Variants in PAM observed in about 807,000 individuals in gnomAD.
PAM encodes peptidyl-glycine alpha-amidating monooxygenase.
A neutral mutation model predicts 122.1 loss-of-function variants in PAM; 72 were observed. The observed-to-expected ratio is 0.59, with a 90% CI of 0.49 to 0.72. The LOEUF (loss-of-function observed/expected upper bound fraction) is 0.72, where lower values mean the gene tolerates loss of function less well. Ranked by LOEUF, PAM falls within the 30% of genes least tolerant of loss-of-function variation. PAM has a pLI of 0.00. For missense variants in PAM, 1,106 were observed against 1,183.7 expected (o/e 0.93, Z 0.96); for synonymous variants, 389 against 404.4 (o/e 0.96, Z 0.46).
At chr5:102,929,899 G>A (rs1172061343) in intron 7 of PAM, among the ~76,000 whole-genome samples, 1 of 150,636 alleles carries the variant, frequency 6.6e-6, no homozygotes, top group Non-Finnish European at 1.5e-5. Flanking sequence ...CTCATCAGCT[G>A]TTATTAGTGT....
intron 7 of PAM, among the ~76,000 whole-genome samples, chr5:102,941,520 C>T (rs1322073693): frequency 6.6e-6 from 1 of 152,120 alleles, no homozygotes; most frequent in Admixed American, 6.5e-5. Flanking sequence ...TATTAACAGT[C>T]CCCCAATTTC....
chr5:102,906,863 G>C (rs1262670345), intron 4 of PAM, among the ~76,000 whole-genome samples: 1 of 151,716 alleles, frequency 6.6e-6, no homozygotes. Flanking sequence ...GATTCTGTAG[G>C]AAATTAATAG....
chr5:102,907,605 C>A (rs976834518), intron 4 of PAM, among the ~76,000 whole-genome samples: 1 of 150,254 alleles, frequency 6.7e-6, no homozygotes, highest in Non-Finnish European at 1.5e-5. Context: ...AAAAGTGTTC[C>A]TATTTCTCCA....
At chr5:102,771,880 TAA>T (rs1755887321) in intron 1 of PAM, among the ~76,000 whole-genome samples, 1 of 152,148 alleles carries the variant, frequency 6.6e-6, no homozygotes, top group East Asian at 1.9e-4. Flanking sequence ...TGGCTGGGTT[TAA>T]AAGAAGAAAT....
chr5:102,846,213 C>A (rs1198581309), intron 1 of PAM, among the ~76,000 whole-genome samples: 1 of 152,152 alleles, frequency 6.6e-6, no homozygotes, highest in Admixed American at 6.5e-5. Flanking sequence ...CCAGTTTGCC[C>A]CCAACTTCCA....
intron 12 of PAM, among the ~76,000 whole-genome samples, chr5:102,956,717 T>C (rs1375918191): frequency 6.6e-6 from 1 of 152,046 alleles, no homozygotes; most frequent in South Asian, 2.1e-4. Flanking sequence ...TGTTTTTTGT[T>C]ACTTACTGCT....
At chr5:102,841,561 T>C (rs1778641667) in intron 1 of PAM, among the ~76,000 whole-genome samples, 1 of 152,182 alleles carries the variant, frequency 6.6e-6, no homozygotes, top group African/African-American at 2.4e-5. Context: ...AGAGAGGCAT[T>C]AATTTTAATG....
At chr5:102,885,460 T>A (rs1380509758) in intron 3 of PAM, among the ~76,000 whole-genome samples, 1 of 152,030 alleles carries the variant, frequency 6.6e-6, no homozygotes, top group South Asian at 2.1e-4. Flanking sequence ...TTCATCTATT[T>A]GACTCAGACT....
intron 23 of PAM, among the ~76,000 whole-genome samples, chr5:103,021,383 C>A (rs1465138392): frequency 2.0e-5 from 3 of 152,190 alleles, no homozygotes; most frequent in Non-Finnish European, 2.9e-5. Context: ...CAACTCATTT[C>A]TGTTTAAATA....
chr5:102,814,938 G>T (rs1318071572), intron 1 of PAM, among the ~76,000 whole-genome samples: 1 of 151,646 alleles, frequency 6.6e-6, no homozygotes, highest in Non-Finnish European at 1.5e-5. Context: ...ATCCATGTGT[G>T]CAGCACACAT....
At chr5:102,889,570 T>C (rs1794153498) in intron 3 of PAM, among the ~76,000 whole-genome samples, 1 of 151,600 alleles carries the variant, frequency 6.6e-6, no homozygotes, top group Admixed American at 6.6e-5. Flanking sequence ...GTGTCTTCTA[T>C]TTTTTTTAAT....
rs554740012 is a variant in PAM at position 102,789,946 on chromosome 5, C to A, written c.-374+34598C>A. ...ATATTCATAAATATTCAGTAGTTAT[C>A]ATTAGACTAAATTTGGGAAAAATAC... On this transcript the variant is annotated intron_variant, in intron 1 of 25. Transcript: ENST00000438793. Among the ~76,000 whole-genome samples, 4 of 152,004 alleles carry A rather than the reference C, an allele frequency of 2.6e-5. No individual in the cohort carries two copies. In the East Asian group the frequency reaches 7.7e-4, roughly 29 times the overall value.
intron 4 of PAM, among the ~76,000 whole-genome samples, chr5:102,911,097 T>TCTA: frequency 6.6e-6 from 1 of 152,152 alleles, no homozygotes. Context: ...TTTTAAGGCA[T>TCTA]CTACTGTTTG....
At chr5:102,861,240 G>A (rs1028405511) in intron 1 of PAM, among the ~76,000 whole-genome samples, 2 of 152,152 alleles carry the variant, frequency 1.3e-5, no homozygotes, top group African/African-American at 2.4e-5. Context: ...TCGCAGCTAA[G>A]CTTTTCCTGA....
At chr5:102,803,168 AGG>A (rs1287579430) in intron 1 of PAM, among the ~76,000 whole-genome samples, 540 of 16,994 alleles carry the variant, frequency 0.032, 21 homozygotes, top group East Asian at 0.15. Context: ...GAAGGAAGGA[AGG>A]AAGGAAGGAA....
intron 1 of PAM, among the ~76,000 whole-genome samples, chr5:102,857,677 C>T (rs907524898): frequency 6.6e-5 from 10 of 152,110 alleles, no homozygotes; most frequent in African/African-American, 1.9e-4. Context: ...GTTACCAATT[C>T]GCTTTGTGTC....
At chr5:102,849,647 A>G (rs1258470050) in intron 1 of PAM, among the ~76,000 whole-genome samples, 4 of 152,212 alleles carry the variant, frequency 2.6e-5, no homozygotes, top group African/African-American at 7.2e-5. Context: ...AGCATTAGTT[A>G]TATAGTTTAG....
chr5:102,942,844 TATGGGC>T (rs1371820993), intron 7 of PAM, among the ~76,000 whole-genome samples: 1 of 151,936 alleles, frequency 6.6e-6, no homozygotes, highest in Non-Finnish European at 1.5e-5. Context: ...GTGCTGGGAT[TATGGGC>T]ATGAGCCATT....
chr5:102,763,495 G>GCAA (rs577277120), intron 1 of PAM, among the ~76,000 whole-genome samples: 25 of 152,132 alleles, frequency 1.6e-4, no homozygotes, highest in Middle Eastern at 3.4e-3. Context: ...ACACACGACA[G>GCAA]CAACAACAAC....
Sources: gnomAD v4.1 joint callset for allele counts (sites outside exome capture counted in the v4.1 genomes callset) on GRCh38, gnomAD v4.1.1 for gene constraint, MANE v1.5 for transcripts, NCBI Gene and HGNC (gene_info 2026-07-23, HGNC 2026-07-21) for gene names.